Variants in ABCA6 observed in about 807,000 individuals in gnomAD.
ABCA6 encodes the protein ATP binding cassette subfamily A member 6.
In ABCA6, 164 loss-of-function variants were observed where a neutral mutation model predicts 191.2. The observed-to-expected ratio is 0.86, with a 90% confidence interval of 0.76 to 0.98. ABCA6 has a LOEUF of 0.98. Ranked by LOEUF, ABCA6 falls within the 50% of genes least tolerant of loss-of-function variation. The pLI, the probability that ABCA6 is intolerant of heterozygous loss-of-function variation, is 0.00. For missense variants in ABCA6, 1,958 were observed against 1,894.1 expected (o/e 1.03, Z -0.63); for synonymous variants, 636 against 647.7 (o/e 0.98, Z 0.27).
At position 69,096,844 on chromosome 17, in the gene ABCA6, A is replaced by G. The variant is rs760890951; in HGVS notation, c.3121-43T>C. The G allele has an allele frequency of 7.8e-6, 11 of 1,419,172 alleles. No homozygotes were observed. In the South Asian group the frequency reaches 1.7e-4, roughly 22 times the overall value. 87.9% of individuals were successfully genotyped at this position (1,419,172 alleles called of 1,614,324 possible). On this transcript the variant is annotated intron_variant, in intron 23 of 38. Coordinates refer to ENST00000284425, the MANE Select transcript of ABCA6 (RefSeq NM_080284.3). ...GAAAGAAAGAAATGTATATAGATTC[A>G]ATTAAAATGCAAATCTAAAATAAAC...
chr17:69,101,697 G>A (rs746554257), intron 21 of ABCA6, among the ~76,000 whole-genome samples: 7 of 151,628 alleles, frequency 4.6e-5, no homozygotes, highest in Non-Finnish European at 7.4e-5. Context: ...CCCTGCCAAA[G>A]AAGCATTTCC....
At chr17:69,138,707 C>T (rs538370613) in intron 2 of ABCA6, among the ~76,000 whole-genome samples, 294 of 150,550 alleles carry the variant, frequency 2.0e-3, no homozygotes, top group Admixed American at 2.8e-3. Flanking sequence ...ACTACAAGGC[C>T]ACAGTAACCA....
chr17:69,124,535 TA>T (rs1233032516), intron 9 of ABCA6, among the ~76,000 whole-genome samples: 5 of 151,930 alleles, frequency 3.3e-5, no homozygotes, highest in African/African-American at 4.8e-5. Context: ...CAAACCACCA[TA>T]AGAACTAATT....
chr17:69,122,308 C>T (rs1165880696), intron 10 of ABCA6, among the ~76,000 whole-genome samples: 2 of 152,154 alleles, frequency 1.3e-5, no homozygotes, highest in South Asian at 2.1e-4. Flanking sequence ...TAAACGATTG[C>T]TATTTAAAGC....
chr17:69,105,210 G>T, intron 20 of ABCA6: 1 of 422,040 alleles, frequency 2.4e-6, no homozygotes, highest in East Asian at 4.6e-5. Flanking sequence ...ATAGCTTAGG[G>T]TAGTCAGGTA....
chr17:69,134,899 T>TTTTTTTTTTTC (rs1568037249), intron 4 of ABCA6, among the ~76,000 whole-genome samples, 157 bp from the exon 5 acceptor site: 1 of 147,996 alleles, frequency 6.8e-6, no homozygotes, highest in Non-Finnish European at 1.5e-5. Context: ...TTTTTTTTTT[T>TTTTTTTTTTTC]GGAGATGAAG....
chr17:69,115,451 C>T lies in ABCA6; in HGVS notation c.1531G>A (p.Ala511Thr), dbSNP rs757271071. The T allele has an allele frequency of 6.2e-7, 1 of 1,611,668 alleles. No individual in the cohort carries two copies. Among genetic ancestry groups the T allele is most frequent in the South Asian group, 1.1e-5 (1 of 90,792 alleles). ...LFDIYEGQITAILGHSGAGKS... is the reference protein window; with the variant it reads ...LFDIYEGQITTILGHSGAGKS... ...CCAGCTCCACTGTGACCCAGGATTG[C>T]CGTGATTTGACCTTCATATATGTCA... The change falls in exon 12 of 39, where the codon GCA (alanine) becomes ACA (threonine). Residue 511 changes from alanine to threonine, a missense_variant. Transcript: ENST00000284425.
chr17:69,082,088 G>C (rs961983475), intron 36 of ABCA6, among the ~76,000 whole-genome samples: 1 of 152,006 alleles, frequency 6.6e-6, no homozygotes, highest in Non-Finnish European at 1.5e-5. Context: ...TATCATTTTT[G>C]ATCTTCCCAC....
intron 11 of ABCA6, 42 bp downstream of exon 11, chr17:69,117,856 G>A (rs757433982): frequency 7.2e-7 from 1 of 1,388,746 alleles, no homozygotes; most frequent in Non-Finnish European, 1.0e-6. Context: ...TTATAATAAA[G>A]AAAGAAGTGA....
In ABCA6 at chr17:69,106,039, C is replaced by T. The variant is rs766397495; in HGVS notation, c.2562G>A (p.Val854=). ...RFLKLKRQTK[V]LLTLLLVFGI... is the part of the protein sequence containing the mutation. The stretch of plus-strand genomic sequence containing the variant: ...ACTCTCCTACTCACAGGGTCAATAA[C>T]ACTTTAGTTTGACGTTTTAACTTTA... Residue 854 remains valine (V), a synonymous_variant, in exon 19 of 39, where the codon GTG becomes GTA. Coordinates refer to ENST00000284425, the MANE Select transcript of ABCA6 (RefSeq NM_080284.3). The T allele has an allele frequency of 6.2e-7, 1 of 1,611,146 alleles. No homozygotes were observed. Among genetic ancestry groups the T allele is most frequent in the Non-Finnish European group, 8.5e-7 (1 of 1,178,680 alleles).
At chr17:69,118,133 G>A (rs1402019483) in intron 10 of ABCA6, 177 bp from the exon 11 acceptor site, 5 of 449,570 alleles carry the variant, frequency 1.1e-5, no homozygotes, top group Non-Finnish European at 1.2e-5. Context: ...TTTCCCCTGA[G>A]GTAGAAAATA....
At position 69,105,495 on chromosome 17, in the gene ABCA6, G is replaced by T; in HGVS notation, c.2707C>A (p.Pro903Thr). ...TTGATGATCAACAGGCTGGTACGGG[G>T]TTCCTGGGGAAGTTGTCCAGGAGAG... The part of the protein sequence containing the change: ...FLSPGQLPQE[P>T]RTSLLIINNT... Residue 903 changes from proline (P) to threonine (T), a missense_variant, in exon 20 of 39, where the codon CCC (proline) becomes ACC (threonine). Physicochemically the swap from Pro to Thr is conservative, Grantham distance 38. Coordinates refer to ENST00000284425, the MANE Select transcript of ABCA6 (RefSeq NM_080284.3). The T allele has an allele frequency of 6.2e-7, 1 of 1,610,526 alleles. No homozygotes were observed. The highest frequency in any genetic ancestry group is 8.5e-7 in the Non-Finnish European group (1 of 1,179,372).
chr17:69,126,459 G>C (rs2073755090), intron 8 of ABCA6, among the ~76,000 whole-genome samples: 2 of 152,034 alleles, frequency 1.3e-5, no homozygotes, highest in Admixed American at 6.6e-5. Flanking sequence ...AGATTAGCTT[G>C]AGTGACATGG....
intron 8 of ABCA6, among the ~76,000 whole-genome samples, chr17:69,126,599 G>A (rs1048965169): frequency 6.6e-6 from 1 of 152,000 alleles, no homozygotes; most frequent in Non-Finnish European, 1.5e-5. Flanking sequence ...AGTGAGCTGT[G>A]TTTGTATACT....
rs747244670 is a variant in ABCA6, at chr17:69,096,336, A to G, written c.3312T>C (p.Gly1104=). The G allele has an allele frequency of 2.0e-6, 3 of 1,484,316 alleles. No individual in the cohort carries two copies. The highest frequency in any genetic ancestry group is 2.7e-6 in the Non-Finnish European group (3 of 1,105,416). The allele number at this position is 1,484,316 out of a possible 1,614,324, so 91.9% of individuals were successfully genotyped here. The change falls in exon 25 of 39, where the codon GGT becomes GGC. Residue 1104 remains glycine, a synonymous_variant. Coordinates refer to ENST00000284425, the MANE Select transcript of ABCA6 (RefSeq NM_080284.3). ...IVFALVIVTP[G]YAASLVFFIY... The stretch of plus-strand genomic sequence containing the variant: ...TGAAGAAGACAAGAGAAGCTGCATA[A>G]CCAGGAGTAACTATAACCTGAGCAT...
intron 13 of ABCA6, among the ~76,000 whole-genome samples, chr17:69,114,355 A>T (rs1598037114): frequency 7.0e-6 from 1 of 142,914 alleles, no homozygotes; most frequent in African/African-American, 2.6e-5. Flanking sequence ...ATAGGTGGGA[A>T]TTGAACAATG....
chr17:69,085,833 T>C (rs2072773845), intron 30 of ABCA6, 117 bp from the exon 31 acceptor site: 1 of 700,236 alleles, frequency 1.4e-6, no homozygotes, highest in Non-Finnish European at 2.5e-6. Context: ...CATTTTGAGA[T>C]TGATAACATA....
chr17:69,105,263 T>C (rs1477211014), intron 20 of ABCA6, 199 bp downstream of exon 20: 6 of 561,308 alleles, frequency 1.1e-5, no homozygotes, highest in Admixed American at 3.8e-5. Context: ...TGACCCAAGT[T>C]CTTTTTCTCT....
chr17:69,107,808 AAG>A lies in ABCA6; in HGVS notation c.2275_2276del (p.Leu759PhefsTer3), dbSNP rs745559979. The A allele has an allele frequency of 2.5e-6, 4 of 1,596,550 alleles. No homozygotes were observed. The highest frequency in any genetic ancestry group is 3.4e-6 in the Non-Finnish European group (4 of 1,167,424). The part of the protein sequence containing the change: ...PLERTNTFPD[L>X]FSDLDKCSDQ... ...CAGAACACTTATCCAGATCACTGAA[AAG>A]ATCTAAGGCAAAAAAATATGAATAG... On this transcript the variant is annotated frameshift_variant and splice_region_variant, in exon 18 of 39. Coordinates refer to ENST00000284425, the MANE Select transcript of ABCA6 (RefSeq NM_080284.3). LOFTEE classifies it high-confidence loss of function.
Sources: allele counts gnomAD v4.1 joint callset (sites outside exome capture counted in the v4.1 genomes callset), GRCh38; gene constraint gnomAD v4.1.1; transcripts MANE v1.5; gene names NCBI Gene and HGNC (gene_info 2026-07-23, HGNC 2026-07-21).